Variants in NALF1 observed in about 807,000 individuals in gnomAD.
NALF1 encodes the protein NALCN channel auxiliary factor 1.
In NALF1, 3 loss-of-function variants were observed where a neutral mutation model predicts 48.4. The observed-to-expected ratio is 0.06, with a 90% CI of 0.03 to 0.16. The LOEUF (loss-of-function observed/expected upper bound fraction) is 0.16, where lower values mean the gene tolerates loss of function less well. Ranked by LOEUF, NALF1 falls within the 10% of genes least tolerant of loss-of-function variation. NALF1 has a pLI of 1.00. For synonymous variants in NALF1, 262 were observed against 245.7 expected, an observed-to-expected ratio of 1.07 and a Z score of -0.62; for missense variants, 526 against 571.5, an observed-to-expected ratio of 0.92 and a Z score of 0.81.
intron 1 of NALF1, among the ~76,000 whole-genome samples, chr13:107,479,902 T>A (rs1885228662): frequency 6.6e-6 from 1 of 152,124 alleles, no homozygotes. Context: ...CACACACAGT[T>A]ACTTCCATTC....
intron 1 of NALF1, among the ~76,000 whole-genome samples, chr13:107,367,782 A>T (rs1460667333): frequency 1.3e-5 from 2 of 152,228 alleles, no homozygotes; most frequent in African/African-American, 4.8e-5. Context: ...ACCATCTACT[A>T]GGCAAACATT....
At chr13:107,229,846 C>A (rs1472698066) in intron 1 of NALF1, among the ~76,000 whole-genome samples, 1 of 152,214 alleles carries the variant, frequency 6.6e-6, no homozygotes, top group Non-Finnish European at 1.5e-5. Context: ...ACTCCTCTTT[C>A]CATTGCTGCC....
chr13:107,319,268 G>T (rs368988191), intron 1 of NALF1, among the ~76,000 whole-genome samples: 1 of 152,098 alleles, frequency 6.6e-6, no homozygotes, highest in African/African-American at 2.4e-5. Flanking sequence ...ACTGGTGAAC[G>T]TGGGACAGAA....
At chr13:107,732,669 T>C (rs531080077) in intron 1 of NALF1, among the ~76,000 whole-genome samples, 3 of 152,274 alleles carry the variant, frequency 2.0e-5, no homozygotes, top group East Asian at 1.9e-4. Context: ...TTAGGTATTA[T>C]ACAGGACTAG....
At chr13:107,315,771 T>C (rs1190738000) in intron 1 of NALF1, among the ~76,000 whole-genome samples, 2 of 151,436 alleles carry the variant, frequency 1.3e-5, no homozygotes, top group Non-Finnish European at 2.9e-5. Flanking sequence ...CATCTCTCTT[T>C]GCTTAAAATT....
intron 1 of NALF1, among the ~76,000 whole-genome samples, chr13:107,544,165 T>G (rs186826261): frequency 1.3e-5 from 2 of 152,286 alleles, no homozygotes; most frequent in East Asian, 3.9e-4. Context: ...ATCTAAATTA[T>G]GAAATTCATT....
chr13:107,330,157 T>C (rs1029271473), intron 1 of NALF1, among the ~76,000 whole-genome samples: 1 of 152,154 alleles, frequency 6.6e-6, no homozygotes, highest in Non-Finnish European at 1.5e-5. Context: ...GCTGTAGCCT[T>C]TGTTAAAACC....
chr13:107,692,014 A>T (rs547464269), intron 1 of NALF1, among the ~76,000 whole-genome samples: 4 of 152,276 alleles, frequency 2.6e-5, no homozygotes, highest in African/African-American at 9.6e-5. Flanking sequence ...TGTTTCTTAA[A>T]TCTCTGAATG....
chr13:107,414,861 A>C (rs1209009822), intron 1 of NALF1, among the ~76,000 whole-genome samples: 1 of 151,894 alleles, frequency 6.6e-6, no homozygotes, highest in East Asian at 1.9e-4. Flanking sequence ...TAGAAGTGGG[A>C]GTCATAAATA....
chr13:107,590,352 C>T (rs765584170), intron 1 of NALF1, among the ~76,000 whole-genome samples: 1 of 151,950 alleles, frequency 6.6e-6, no homozygotes, highest in Non-Finnish European at 1.5e-5. Context: ...ATGCAATTTA[C>T]GACCTTCAGG....
intron 1 of NALF1, among the ~76,000 whole-genome samples, chr13:107,488,238 A>G (rs751991581): frequency 6.9e-6 from 1 of 145,346 alleles, no homozygotes; most frequent in Non-Finnish European, 1.5e-5. Context: ...GAATTCATTG[A>G]TCTTTTGAAT....
intron 1 of NALF1, among the ~76,000 whole-genome samples, chr13:107,516,413 T>C (rs1314731250): frequency 1.3e-5 from 2 of 152,162 alleles, no homozygotes; most frequent in Non-Finnish European, 2.9e-5. Context: ...CATTCCACCA[T>C]GTGAGGAAGT....
chr13:107,532,611 A>G (rs1876675780), intron 1 of NALF1, among the ~76,000 whole-genome samples: 2 of 152,138 alleles, frequency 1.3e-5, no homozygotes, highest in Admixed American at 1.3e-4. Flanking sequence ...ATTATATTAC[A>G]TGAAGTTTTT....
At chr13:107,463,735 G>A (rs1480564874) in intron 1 of NALF1, among the ~76,000 whole-genome samples, 4 of 152,138 alleles carry the variant, frequency 2.6e-5, no homozygotes, top group African/African-American at 7.2e-5. Context: ...AGATTAAAGA[G>A]TATTCAGTAG....
chr13:107,611,501 T>C (rs895696021), intron 1 of NALF1, among the ~76,000 whole-genome samples: 5 of 152,130 alleles, frequency 3.3e-5, no homozygotes, highest in Admixed American at 2.6e-4. Flanking sequence ...TATTGTAGCA[T>C]TTAAAAACAA....
chr13:107,614,178 C>T (rs906433738), intron 1 of NALF1, among the ~76,000 whole-genome samples: 2 of 152,192 alleles, frequency 1.3e-5, no homozygotes, highest in African/African-American at 4.8e-5. Flanking sequence ...CCAAATCTCT[C>T]ATATCACAGC....
intron 1 of NALF1, among the ~76,000 whole-genome samples, chr13:107,369,797 A>G (rs1225928401): frequency 6.6e-6 from 1 of 152,186 alleles, no homozygotes; most frequent in Non-Finnish European, 1.5e-5. Flanking sequence ...ATATAATATA[A>G]TGATAGTTGG....
At chr13:107,285,785 T>A (rs1881481322) in intron 1 of NALF1, among the ~76,000 whole-genome samples, 1 of 152,042 alleles carries the variant, frequency 6.6e-6, no homozygotes, top group South Asian at 2.1e-4. Flanking sequence ...TAAGCAAAGC[T>A]GCTGCCCAGG....
intron 1 of NALF1, among the ~76,000 whole-genome samples, chr13:107,752,162 T>C (rs769178595): frequency 5.9e-5 from 9 of 152,058 alleles, no homozygotes; most frequent in Non-Finnish European, 1.3e-4. Flanking sequence ...GATATATCCA[T>C]TACAAAAACT....
Sources: allele counts gnomAD v4.1 joint callset (sites outside exome capture counted in the v4.1 genomes callset), GRCh38; gene constraint gnomAD v4.1.1; transcripts MANE v1.5; gene names NCBI Gene and HGNC (gene_info 2026-07-23, HGNC 2026-07-21).